Variants in PMM2 observed in about 807,000 individuals in gnomAD.
PMM2 encodes the protein mannose-6-phosphate isomerase.
Under a neutral mutation model 33.2 loss-of-function variants are expected in PMM2, and 35 were observed. The observed-to-expected ratio is 1.06, with a 90% CI of 0.81 to 1.40. The LOEUF (loss-of-function observed/expected upper bound fraction) is 1.40. Among genes scored for constraint, PMM2 ranks in the 40% most tolerant of loss-of-function variants. PMM2 has a pLI of 0.00. For missense variants in PMM2, 386 were observed against 306.0 expected (o/e 1.26, Z -1.95); for synonymous variants, 153 against 114.7 (o/e 1.33, Z -2.13).
At chr16:8,812,865 CTA>C (rs1462656108) in intron 6 of PMM2, 124 bp from the exon 7 acceptor site, 1 of 727,870 alleles carries the variant, frequency 1.4e-6, no homozygotes, top group African/African-American at 1.7e-5. Flanking sequence ...AAGTAGCAAA[CTA>C]GAGTACTGAA....
intron 7 of PMM2, among the ~76,000 whole-genome samples, chr16:8,823,763 C>T (rs1437074664): frequency 6.6e-6 from 1 of 152,084 alleles, no homozygotes; most frequent in Non-Finnish European, 1.5e-5. Flanking sequence ...ATTTGGGGCT[C>T]CTGGGCCTGT....
intron 7 of PMM2, among the ~76,000 whole-genome samples, chr16:8,831,187 T>G (rs959248944): frequency 6.6e-6 from 1 of 152,196 alleles, no homozygotes; most frequent in African/African-American, 2.4e-5. Context: ...CCTCCCAAGG[T>G]TAGTTCAGCC....
chr16:8,847,394 C>G (rs200366327), intron 7 of PMM2, among the ~76,000 whole-genome samples: 2 of 93,134 alleles, frequency 2.1e-5, no homozygotes, highest in African/African-American at 7.4e-5. Flanking sequence ...AAAAAAAAAA[C>G]TGATGGCTGT....
intron 7 of PMM2, among the ~76,000 whole-genome samples, chr16:8,821,011 TA>T (rs35159194): frequency 0.88 from 133,952 of 152,052 alleles, 59,568 homozygotes; most frequent in East Asian, 0.97. Flanking sequence ...ATCCTGGACT[TA>T]ACCATGCCTA....
chr16:8,804,187 C>T (rs1435851490), intron 2 of PMM2, among the ~76,000 whole-genome samples: 1 of 151,322 alleles, frequency 6.6e-6, no homozygotes, highest in East Asian at 1.9e-4. Flanking sequence ...TACAGGCGCA[C>T]ACCACCATGC....
At chr16:8,823,926 C>T (rs780619634) in intron 7 of PMM2, among the ~76,000 whole-genome samples, 1 of 152,170 alleles carries the variant, frequency 6.6e-6, no homozygotes, top group Non-Finnish European at 1.5e-5. Context: ...GAAAGTATGT[C>T]GTACCAGTCA....
intron 7 of PMM2, among the ~76,000 whole-genome samples, chr16:8,818,554 C>T (rs946633246): frequency 6.6e-5 from 10 of 152,094 alleles, no homozygotes; most frequent in Middle Eastern, 3.2e-3. Flanking sequence ...TGCCGGCGTC[C>T]AGGGAAGTGA....
chr16:8,812,175 A>G (rs2060681591), intron 6 of PMM2, among the ~76,000 whole-genome samples: 2 of 152,188 alleles, frequency 1.3e-5, no homozygotes, highest in Non-Finnish European at 2.9e-5. Context: ...GCTTTTACAG[A>G]TCAAGAAACT....
Position 8,832,025 on chromosome 16 carries a change from C to T in PMM2, c.640-15699C>T, listed in dbSNP as rs1358904360. On this transcript the variant is annotated intron_variant, in intron 7 of 7. Transcript: ENST00000268261. ...GTAACCTTTAGTGCATATGCAAATC[C>T]AGCATTTGAAATTTCCGGTTCTCTA... The T allele has an allele frequency of 7.8e-6, 4 of 511,010 alleles. No individual in the cohort carries two copies. In the African/African-American group the frequency reaches 8.3e-5, roughly 11 times the overall value. The allele number at this position is 511,010 out of a possible 1,614,324, so 31.7% of individuals were successfully genotyped here. A position where few individuals can be genotyped will look rare whatever the true frequency, so the allele number is the denominator to read the frequency against.
At chr16:8,827,917 ATGTTT>A (rs1206668161) in intron 7 of PMM2, among the ~76,000 whole-genome samples, 1 of 104,936 alleles carries the variant, frequency 9.5e-6, no homozygotes, top group African/African-American at 3.6e-5. Context: ...TATATATATT[ATGTTT>A]TATATATAAT....
chr16:8,801,295 TAA>T (rs1241450381), intron 1 of PMM2, among the ~76,000 whole-genome samples: 3 of 152,382 alleles, frequency 2.0e-5, no homozygotes, highest in East Asian at 1.9e-4. Context: ...AAATAACACT[TAA>T]GTTTATTCTG....
intron 7 of PMM2, chr16:8,832,915 C>A: frequency 1.0e-6 from 1 of 985,466 alleles, no homozygotes; most frequent in Non-Finnish European, 1.2e-6. Flanking sequence ...CAGCCCTTCC[C>A]TCCCTTTGCT....
chr16:8,816,416 A>G (rs2060708436), intron 7 of PMM2, among the ~76,000 whole-genome samples: 1 of 150,486 alleles, frequency 6.6e-6, no homozygotes, highest in Non-Finnish European at 1.5e-5. Context: ...GTGAGCCACC[A>G]CACTGGGCCA....
rs181341154 is a variant in PMM2 at position 8,837,022 on chromosome 16, G to C, written c.640-10702G>C. Among the ~76,000 whole-genome samples the C allele has an allele frequency of 1.5e-3, 225 of 152,062 alleles. 1 individual carries two copies. The highest frequency in any genetic ancestry group is 4.7e-3 in the African/African-American group (195 of 41,518). On this transcript the variant is annotated intron_variant, in intron 7 of 7. Coordinates refer to ENST00000268261, the MANE Select transcript of PMM2 (RefSeq NM_000303.3). ...TAAAAGGATTATAGGGTGGAGGAGC[G>C]GAGGCTGAGGAAGAATTGGAACCTA...
At chr16:8,825,954 C>G (rs1222198043) in intron 7 of PMM2, among the ~76,000 whole-genome samples, 2 of 151,964 alleles carry the variant, frequency 1.3e-5, no homozygotes, top group Non-Finnish European at 2.9e-5. Context: ...CAGGATTTCA[C>G]CATATGGGCC....
chr16:8,812,846 AAGT>A (rs772483829), intron 6 of PMM2, 142 bp from the exon 7 acceptor site: 8 of 683,156 alleles, frequency 1.2e-5, no homozygotes, highest in African/African-American at 1.8e-5. Context: ...CCTATGCATG[AAGT>A]AGTCTAAGTA....
intron 2 of PMM2, among the ~76,000 whole-genome samples, chr16:8,804,029 TTG>T (rs754776577): frequency 0.068 from 6,867 of 100,766 alleles, 245 homozygotes; most frequent in Middle Eastern, 0.17. Context: ...TGGGTTTTTT[TTG>T]TTTTTTTTTT....
chr16:8,810,898 C>T (rs1260102807), intron 4 of PMM2, 181 bp from the exon 5 acceptor site: 1 of 625,532 alleles, frequency 1.6e-6, no homozygotes, highest in African/African-American at 1.8e-5. Context: ...ATATTAGCCA[C>T]ATTTCAAGTC....
chr16:8,812,640 T>C (rs1444887529), intron 6 of PMM2, among the ~76,000 whole-genome samples: 6 of 152,178 alleles, frequency 3.9e-5, no homozygotes, highest in Admixed American at 3.9e-4. Context: ...CCTGAGGGTG[T>C]GTTAAAGCCC....
Sources: gnomAD v4.1 joint callset for allele counts (sites outside exome capture counted in the v4.1 genomes callset) on GRCh38, gnomAD v4.1.1 for gene constraint, MANE v1.5 for transcripts, NCBI Gene and HGNC (gene_info 2026-07-23, HGNC 2026-07-21) for gene names.